PTPRT: variants seen among roughly 807,000 people sequenced by gnomAD.
PTPRT encodes the protein protein tyrosine phosphatase receptor type T.
Under a neutral mutation model 176.8 loss-of-function variants are expected in PTPRT, and 56 were observed. That is an observed-to-expected ratio of 0.32 (90% CI 0.26 to 0.40). The LOEUF is 0.40. Among genes scored for constraint, PTPRT ranks in the 10% least tolerant of loss-of-function variants. The probability of loss-of-function intolerance (pLI) is 1.00; values close to 1 mark genes in which losing one functional copy is unlikely to be tolerated. For missense variants in PTPRT, 1,540 were observed against 1,908.2 expected, an observed-to-expected ratio of 0.81 and a Z score of 3.60; for synonymous variants, 783 against 739.0, an observed-to-expected ratio of 1.06 and a Z score of -0.96.
At chr20:42,385,927 A>G (rs1392367144) in intron 9 of PTPRT, among the ~76,000 whole-genome samples, 1 of 152,238 alleles carries the variant, frequency 6.6e-6, no homozygotes, top group Non-Finnish European at 1.5e-5. Flanking sequence ...TCAGAAGGTT[A>G]AAAGTTTGCT....
rs1195837349 is a variant in PTPRT at position 42,756,461 on chromosome 20, C to T, written c.859+1G>A. 6.5e-7 allele frequency: 1 copy of T among 1,547,890 alleles called. No homozygotes were observed. The highest frequency in any genetic ancestry group is 8.8e-7 in the Non-Finnish European group (1 of 1,141,842). ...TAGAGGCGCAGGCTGGAGGCACTCACCTTTCACGATCAGCTCCGCGTAGTT... is the reference window on the plus strand; with the variant it reads ...TAGAGGCGCAGGCTGGAGGCACTCATCTTTCACGATCAGCTCCGCGTAGTT... On this transcript the variant is annotated splice_donor_variant, in intron 6 of 30. Coordinates refer to ENST00000373187, the MANE Select transcript of PTPRT (RefSeq NM_007050.6). LOFTEE classifies it high-confidence loss of function.
In PTPRT at chr20:42,749,686, T is replaced by C. The variant is rs532297546; in HGVS notation, c.859+6776A>G. Among the ~76,000 whole-genome samples the C allele has an allele frequency of 2.2e-4, 34 of 152,302 alleles. 1 individual carries two copies. Among genetic ancestry groups the C allele is most frequent in the Admixed American group, 2.0e-3 (31 of 15,304 alleles). ...GCAGGTGGCTAACATTAACTGACCA[T>C]GCAGCACAGATTTGCATGATTCTTC... On this transcript the variant is annotated intron_variant, in intron 6 of 30. Transcript: ENST00000373187.
At chr20:43,084,913 T>G (rs1341590475) in intron 1 of PTPRT, among the ~76,000 whole-genome samples, 2 of 152,206 alleles carry the variant, frequency 1.3e-5, no homozygotes, top group Admixed American at 6.5e-5. Context: ...CAACAGGTAT[T>G]TGCTTTTATA....
intron 16 of PTPRT, among the ~76,000 whole-genome samples, chr20:42,197,176 G>A (rs1470358829): frequency 6.6e-6 from 1 of 151,854 alleles, no homozygotes; most frequent in Non-Finnish European, 1.5e-5. Flanking sequence ...TCAGGAGATC[G>A]AGACCATCCT....
rs1568799619 is a variant in PTPRT at position 42,350,235 on chromosome 20, T to TTG, written c.1865+392_1865+393insCA. Among the ~76,000 whole-genome samples, 163 of 145,404 alleles carry TTG rather than the reference T, an allele frequency of 1.1e-3. 4 individuals are homozygous for TTG. Among genetic ancestry groups the TTG allele is most frequent in the African/African-American group, 4.1e-3 (161 of 39,286 alleles). ...TCTTGTTTTTTTTTTTTTTTTTTTT[T>TTG]TTTTTTTTTTTGAGACAGGGTCTCA... On this transcript the variant is annotated intron_variant, in intron 11 of 30. Transcript: ENST00000373187.
chr20:42,722,298 C>T (rs1363202516), intron 6 of PTPRT, among the ~76,000 whole-genome samples: 1 of 152,178 alleles, frequency 6.6e-6, no homozygotes, highest in Non-Finnish European at 1.5e-5. Context: ...TGCCCACTGT[C>T]TCCACTGCCT....
At chr20:42,938,855 G>C (rs183609012) in intron 1 of PTPRT, among the ~76,000 whole-genome samples, 2 of 152,144 alleles carry the variant, frequency 1.3e-5, no homozygotes, top group Non-Finnish European at 2.9e-5. Context: ...TAGTAGTTTG[G>C]AATAAAAAAG....
At chr20:42,439,912 T>A (rs2059296855) in intron 9 of PTPRT, among the ~76,000 whole-genome samples, 1 of 152,182 alleles carries the variant, frequency 6.6e-6, no homozygotes, top group African/African-American at 2.4e-5. Flanking sequence ...TTTTTGTTTA[T>A]TTTTGTTTTG....
chr20:42,146,404 C>G (rs975867489), intron 17 of PTPRT, among the ~76,000 whole-genome samples: 1 of 152,144 alleles, frequency 6.6e-6, no homozygotes, highest in Non-Finnish European at 1.5e-5. Flanking sequence ...AAAATAATTG[C>G]GTTGAGTACT....
At chr20:42,633,237 T>G (rs1259809635) in intron 7 of PTPRT, among the ~76,000 whole-genome samples, 1 of 152,136 alleles carries the variant, frequency 6.6e-6, no homozygotes, top group Non-Finnish European at 1.5e-5. Context: ...GTATATGCTA[T>G]TAACACCAGA....
rs577115117 is a variant in PTPRT, at chr20:42,642,557, T to C, written c.1153+35309A>G. Among the ~76,000 whole-genome samples, 52 of 152,270 alleles carry C rather than the reference T, an allele frequency of 3.4e-4. 1 individual carries two copies. In the South Asian group the frequency reaches 0.011, roughly 31 times the overall value. ...GCTCACTCTGAGCTAAACTAAGGAC[T>C]GTATGTACATTATCCCACCTAATCC... is the stretch of plus-strand genomic sequence containing the variant. On this transcript the variant is annotated intron_variant, in intron 7 of 30. Coordinates refer to ENST00000373187, the MANE Select transcript of PTPRT (RefSeq NM_007050.6).
At chr20:42,339,384 C>A (rs2058082116) in intron 11 of PTPRT, among the ~76,000 whole-genome samples, 1 of 152,210 alleles carries the variant, frequency 6.6e-6, no homozygotes, top group South Asian at 2.1e-4. Flanking sequence ...TCTAGTTCAG[C>A]TTTTAGGAGC....
At chr20:42,747,752 T>G (rs1315657259) in intron 6 of PTPRT, among the ~76,000 whole-genome samples, 2 of 151,964 alleles carry the variant, frequency 1.3e-5, no homozygotes, top group African/African-American at 4.8e-5. Context: ...GAAAAGAGAA[T>G]AAGAGGGCAA....
intron 7 of PTPRT, among the ~76,000 whole-genome samples, chr20:42,501,088 G>A (rs2071742883): frequency 6.6e-6 from 1 of 152,146 alleles, no homozygotes; most frequent in East Asian, 1.9e-4. Context: ...GCCCTCAGAA[G>A]CCCACCCCAT....
intron 1 of PTPRT, among the ~76,000 whole-genome samples, chr20:43,081,207 AG>A (rs965918976): frequency 1.3e-5 from 2 of 152,226 alleles, no homozygotes; most frequent in African/African-American, 4.8e-5. Flanking sequence ...AACTTGAACC[AG>A]GCAGGGATTA....
chr20:42,977,251 G>T (rs977782031), intron 1 of PTPRT, among the ~76,000 whole-genome samples: 7 of 152,098 alleles, frequency 4.6e-5, no homozygotes, highest in Non-Finnish European at 8.8e-5. Flanking sequence ...TTAGCCCTTA[G>T]AATAATCTTG....
intron 1 of PTPRT, among the ~76,000 whole-genome samples, chr20:43,003,843 T>C (rs996754487): frequency 3.3e-5 from 5 of 152,094 alleles, no homozygotes; most frequent in African/African-American, 1.2e-4. Flanking sequence ...TTAAGAATAG[T>C]ATGTAAGAGA....
At position 42,859,709 on chromosome 20, in the gene PTPRT, G is replaced by A. The variant is rs527407730; in HGVS notation, c.214+26098C>T. 2.2e-4 allele frequency among the ~76,000 whole-genome samples: 33 copies of A among 150,208 alleles called. 2 individuals carry two copies. In the South Asian group the frequency reaches 6.5e-3, roughly 30 times the overall value. ...CACCATTCTCCTGCCTCAGCCTCCC[G>A]AGCAGCTGGGACTACAGGCACCTGG... On this transcript the variant is annotated intron_variant, in intron 2 of 30. Coordinates refer to ENST00000373187, the MANE Select transcript of PTPRT (RefSeq NM_007050.6).
chr20:42,476,060 C>T (rs1353912224), intron 7 of PTPRT, among the ~76,000 whole-genome samples: 2 of 152,148 alleles, frequency 1.3e-5, no homozygotes, highest in Non-Finnish European at 2.9e-5. Context: ...TCCATCTCCT[C>T]ATCTATAAAG....
Sources: gnomAD v4.1 joint callset for allele counts (sites outside exome capture counted in the v4.1 genomes callset) on GRCh38, gnomAD v4.1.1 for gene constraint, MANE v1.5 for transcripts, NCBI Gene and HGNC (gene_info 2026-07-23, HGNC 2026-07-21) for gene names.